Variants in APOL5 observed in about 807,000 individuals in gnomAD.
APOL5 encodes apolipoprotein L, 5.
A neutral mutation model predicts 35.5 loss-of-function variants in APOL5; 29 were observed. That is an observed-to-expected ratio of 0.82 (90% CI 0.61 to 1.11). APOL5 has a LOEUF of 1.11. Among genes scored for constraint, APOL5 ranks in the 50% most tolerant of loss-of-function variants. The probability of loss-of-function intolerance (pLI) is 0.00; values close to 1 mark genes in which losing one functional copy is unlikely to be tolerated. For synonymous variants in APOL5, 188 were observed against 200.2 expected, an observed-to-expected ratio of 0.94 and a Z score of 0.51; for missense variants, 514 against 530.4, an observed-to-expected ratio of 0.97 and a Z score of 0.30.
chr22:35,728,080 C>CT (rs1205917288), intron 3 of APOL5, among the ~76,000 whole-genome samples: 1 of 152,200 alleles, frequency 6.6e-6, no homozygotes, highest in Non-Finnish European at 1.5e-5. Flanking sequence ...GGGCCGAGGA[C>CT]TTAGGAGGTG....
chr22:35,718,344 G>A (rs75336842), intron 1 of APOL5, among the ~76,000 whole-genome samples: 11 of 152,150 alleles, frequency 7.2e-5, no homozygotes, highest in Non-Finnish European at 1.3e-4. Flanking sequence ...ACGGTTGGGC[G>A]CAGTGGCTCA....
intron 4 of APOL5, among the ~76,000 whole-genome samples, chr22:35,729,122 G>A (rs747402838): frequency 2.7e-4 from 41 of 152,280 alleles, no homozygotes; most frequent in Non-Finnish European, 5.0e-4. Context: ...TGGGCCATTC[G>A]TTCATTCATG....
chr22:35,714,930 G>A (rs1926698870), upstream of APOL5, among the ~76,000 whole-genome samples: 1 of 152,226 alleles, frequency 6.6e-6, no homozygotes, highest in South Asian at 2.1e-4. Context: ...CAAAGCAGGG[G>A]GAGAAGGGTA....
intron 1 of APOL5, among the ~76,000 whole-genome samples, chr22:35,720,209 C>T (rs1423097355): frequency 2.6e-5 from 4 of 152,236 alleles, no homozygotes; most frequent in African/African-American, 4.8e-5. Context: ...AGGGTGGAAC[C>T]CTCACCGGGG....
chr22:35,722,710 C>T (rs1927015080), intron 2 of APOL5, among the ~76,000 whole-genome samples: 1 of 152,142 alleles, frequency 6.6e-6, no homozygotes, highest in Non-Finnish European at 1.5e-5. Context: ...TCATTGATGG[C>T]AAAAATGTGG....
At chr22:35,717,073 G>A (rs1299745831), upstream of APOL5, among the ~76,000 whole-genome samples, 3 of 151,266 alleles carry the variant, frequency 2.0e-5, no homozygotes, top group South Asian at 6.3e-4. Flanking sequence ...TCAGGCACAT[G>A]TACTTCTCAT....
At chr22:35,725,560 G>GA (rs1927120056) in intron 2 of APOL5, among the ~76,000 whole-genome samples, 1 of 148,366 alleles carries the variant, frequency 6.7e-6, no homozygotes, top group Non-Finnish European at 1.5e-5. Context: ...GCCAGGACTG[G>GA]TTTTTTTTTT....
At chr22:35,728,213 T>A (rs1034566495) in intron 3 of APOL5, among the ~76,000 whole-genome samples, 1 of 151,996 alleles carries the variant, frequency 6.6e-6, no homozygotes, top group African/African-American at 2.4e-5. Flanking sequence ...ATTTTAGACC[T>A]TTTTTTTGTT....
chr22:35,711,992 T>TTTG, the APOL5 span, among the ~76,000 whole-genome samples: 6 of 150,882 alleles, frequency 4.0e-5, no homozygotes, highest in South Asian at 4.2e-4. Context: ...GTTGTTGTGT[T>TTTG]TTGTTGTTGT....
the APOL5 span, among the ~76,000 whole-genome samples, chr22:35,710,382 T>C: frequency 6.6e-6 from 1 of 151,496 alleles, no homozygotes; most frequent in Non-Finnish European, 1.5e-5. Flanking sequence ...GCTCAAGTGA[T>C]CCTCCCGCCT....
At chr22:35,708,698 G>T in the APOL5 span, among the ~76,000 whole-genome samples, 1 of 152,074 alleles carries the variant, frequency 6.6e-6, no homozygotes, top group African/African-American at 2.4e-5. Flanking sequence ...ATTTTTTTCT[G>T]ATGAGAAGAC....
upstream of APOL5, among the ~76,000 whole-genome samples, chr22:35,717,235 A>AAAAAAAAATATATATAT: frequency 6.9e-5 from 4 of 57,662 alleles, no homozygotes; most frequent in African/African-American, 3.2e-4. Context: ...AAAAAAAAAA[A>AAAAAAAAATATATATAT]ATATATATAT....
chr22:35,727,236 T>C (rs1378864934), intron 3 of APOL5, 42 bp downstream of exon 3: 2 of 1,558,430 alleles, frequency 1.3e-6, no homozygotes, highest in African/African-American at 2.7e-5. Context: ...CTTGCTCTTC[T>C]AAAAGCTTAC....
intron 2 of APOL5, among the ~76,000 whole-genome samples, chr22:35,725,545 G>A (rs538392063): frequency 6.6e-6 from 1 of 151,954 alleles, no homozygotes; most frequent in East Asian, 1.9e-4. Flanking sequence ...GAGCCACCGC[G>A]CCTGGCCAGG....
intron 3 of APOL5, among the ~76,000 whole-genome samples, chr22:35,728,354 G>A (rs902839908): frequency 1.3e-5 from 2 of 152,154 alleles, no homozygotes; most frequent in African/African-American, 4.8e-5. Context: ...CCCCCGAGTA[G>A]CTGGGACTAC....
At chr22:35,727,225 T>A (rs372676001) in intron 3 of APOL5, 31 bp downstream of exon 3, 1 of 1,569,594 alleles carries the variant, frequency 6.4e-7, no homozygotes, top group Non-Finnish European at 8.6e-7. Context: ...ACGGACGTGG[T>A]CTTGCTCTTC....
At chr22:35,718,788 C>G (rs1453223973) in intron 1 of APOL5, among the ~76,000 whole-genome samples, 1 of 150,314 alleles carries the variant, frequency 6.7e-6, no homozygotes, top group Admixed American at 6.6e-5. Flanking sequence ...CCAGGCACAG[C>G]GGCTCATGCC....
chr22:35,720,537 A>G (rs981392827), intron 1 of APOL5, 31 bp from the exon 2 acceptor site: 1 of 1,608,616 alleles, frequency 6.2e-7, no homozygotes, highest in African/African-American at 1.3e-5. Flanking sequence ...TGACTCAAGA[A>G]GAAATGTCCC....
chr22:35,728,845 C>A lies in APOL5; in HGVS notation c.1249C>A (p.Pro417Thr). The A allele has an allele frequency of 1.2e-6, 2 of 1,611,730 alleles. No homozygotes were observed. ...AAGGATGCTTGGCCACCAGCCAGCC[C>A]CACCAGCACCAGCAAGAAAGGGGAG... ...APRMLGHQPA[P>T]PAPARKGRQA... is the part of the protein sequence containing the mutation. Residue 417 changes from proline to threonine, a missense_variant, in exon 4 of 5, where the codon CCA (proline) becomes ACA (threonine). Physicochemically the swap from Pro to Thr is conservative, Grantham distance 38. Around this residue, in one of 3 missense-constraint regions of APOL5, gnomAD observed 238 missense variants for 229.1 expected, o/e 1.04. Transcript: ENST00000249044.
Sources: gnomAD v4.1 joint callset for allele counts (sites outside exome capture counted in the v4.1 genomes callset) on GRCh38, gnomAD v4.1.1 for gene constraint, gnomAD v4.1.1 regional missense constraint, MANE v1.5 for transcripts, NCBI Gene and HGNC (gene_info 2026-07-23, HGNC 2026-07-21) for gene names.